The following SERTAD2 variants were observed in gnomAD, a reference collection of about 807,000 sequenced individuals.
The protein encoded by SERTAD2 is SERTA domain containing 2.
Under a neutral mutation model 15.4 loss-of-function variants are expected in SERTAD2, and 2 were observed. The observed-to-expected ratio is 0.13, with a 90% CI of 0.05 to 0.41. SERTAD2 has a LOEUF of 0.41. Among genes scored for constraint, SERTAD2 ranks in the 10% least tolerant of loss-of-function variants. The probability of loss-of-function intolerance (pLI) is 0.99; values close to 1 mark genes in which losing one functional copy is unlikely to be tolerated. For synonymous variants in SERTAD2, 180 were observed against 178.0 expected (o/e 1.01, Z -0.09); for missense variants, 333 against 409.7 (o/e 0.81, Z 1.62).
intron 1 of SERTAD2, among the ~76,000 whole-genome samples, chr2:64,640,787 T>G (rs908166122): frequency 2.6e-5 from 4 of 152,110 alleles, no homozygotes; most frequent in Non-Finnish European, 5.9e-5. Context: ...CTACCCAATT[T>G]TTCTAAAGAC....
At position 64,634,966 on chromosome 2, in the gene SERTAD2, A is replaced by T. The variant is rs78841982; in HGVS notation, c.*961T>A. ...CCATCACTTAAACCCCCAGCTCCAC[A>T]GCCATCTCCCGCCAACTGCTTAATG... On this transcript the variant is annotated 3_prime_UTR_variant, in exon 2 of 2. Transcript: ENST00000313349. 6.5e-6 allele frequency: 1 copy of T among 152,684 alleles called. No homozygotes were observed. The highest frequency in any genetic ancestry group is 1.5e-5 in the Non-Finnish European group (1 of 68,056). 9.5% of individuals were successfully genotyped at this position (152,684 alleles called of 1,614,324 possible).
chr2:64,636,901 G>A (rs898678684), intron 1 of SERTAD2, 26 bp from the exon 2 acceptor site: 2 of 1,488,342 alleles, frequency 1.3e-6, no homozygotes, highest in Non-Finnish European at 9.2e-7. Flanking sequence ...AGAGGAAATG[G>A]CATTAATCAC....
intron 1 of SERTAD2, among the ~76,000 whole-genome samples, chr2:64,638,089 G>A (rs1674697856): frequency 1.3e-5 from 2 of 152,182 alleles, no homozygotes. Flanking sequence ...GCCCATGCTT[G>A]CTCCCTCACC....
At chr2:64,646,152 A>C (rs111795489) in intron 1 of SERTAD2, among the ~76,000 whole-genome samples, 1 of 1,374 alleles carries the variant, frequency 7.3e-4, no homozygotes, top group Non-Finnish European at 1.4e-3. Flanking sequence ...AACAAACAAA[A>C]AAAAACCCAA....
chr2:64,653,359 C>T (rs1020096162), intron 1 of SERTAD2, among the ~76,000 whole-genome samples: 4 of 152,182 alleles, frequency 2.6e-5, no homozygotes, highest in Admixed American at 2.0e-4. Context: ...TCCCGACCCC[C>T]TCCTGACCCC....
rs910009457 is a variant in SERTAD2 at position 64,636,463 on chromosome 2, C to T, written c.409G>A (p.Glu137Lys). 1.9e-6 allele frequency: 3 copies of T among 1,613,876 alleles called. No individual in the cohort carries two copies. The highest frequency in any genetic ancestry group is 1.3e-5 in the African/African-American group (1 of 74,900). The change falls in exon 2 of 2, where the codon GAG (glutamate) becomes AAG (lysine). Residue 137 changes from glutamate (E) to lysine (K), a missense_variant. Transcript: ENST00000313349. Reference sequence around the variant, plus strand: ...GTGCAAAACGTGTCATCGTCGTCCTCGAGCAGTGAGGCCGGGGTGAGGCAG... The same window carrying T: ...GTGCAAAACGTGTCATCGTCGTCCTTGAGCAGTGAGGCCGGGGTGAGGCAG... ...EACLTPASLL[E>K]DDDDTFCTSQ...
chr2:64,643,602 C>T (rs1674823622), intron 1 of SERTAD2, among the ~76,000 whole-genome samples: 1 of 152,246 alleles, frequency 6.6e-6, no homozygotes, highest in South Asian at 2.1e-4. Context: ...GGCAAGGTGG[C>T]TCACGCCTGT....
intron 1 of SERTAD2, among the ~76,000 whole-genome samples, chr2:64,648,056 T>C (rs1558656313): frequency 3.9e-5 from 6 of 152,256 alleles, no homozygotes; most frequent in Admixed American, 2.6e-4. Context: ...TTTTACTTAC[T>C]GTGTAAAACT....
chr2:64,641,936 GTCTGGGGAGGA>G (rs1389260756), intron 1 of SERTAD2, among the ~76,000 whole-genome samples: 2 of 152,218 alleles, frequency 1.3e-5, no homozygotes, highest in East Asian at 3.8e-4. Flanking sequence ...CTTTCAGCAT[GTCTGGGGAGGA>G]GCCCTCAAAT....
chr2:64,650,674 A>T (rs1319058678), intron 1 of SERTAD2, among the ~76,000 whole-genome samples: 1 of 152,242 alleles, frequency 6.6e-6, no homozygotes, highest in Non-Finnish European at 1.5e-5. Flanking sequence ...AAATAGCCAC[A>T]CATTTCTTAA....
chr2:64,638,939 GT>G lies in SERTAD2; in HGVS notation c.-4-2065del, dbSNP rs143831126. ...GTGGTTTCATCTCATATTGCAAAAC[GT>G]TTTCTACTTCATGCATGAGAGGTAC... On this transcript the variant is annotated intron_variant, in intron 1 of 1. Transcript: ENST00000313349. Among the ~76,000 whole-genome samples, 769 of 152,240 alleles carry G rather than the reference GT, an allele frequency of 5.1e-3. 17 individuals carry two copies. Among genetic ancestry groups the G allele is most frequent in the East Asian group, 0.045 (231 of 5,186 alleles).
At position 64,635,521 on chromosome 2, in the gene SERTAD2, T is replaced by G. The variant is rs1363370187; in HGVS notation, c.*406A>C. 1 of 158,442 alleles carries G rather than the reference T, an allele frequency of 6.3e-6. No homozygotes were observed. Among genetic ancestry groups the G allele is most frequent in the African/African-American group, 2.4e-5 (1 of 41,462 alleles). 9.8% of individuals were successfully genotyped at this position (158,442 alleles called of 1,614,324 possible). On this transcript the variant is annotated 3_prime_UTR_variant, in exon 2 of 2. Transcript: ENST00000313349. The stretch of plus-strand genomic sequence containing the variant: ...AGAAAAGGTACTGAGATTATCTAAA[T>G]AAGATATATATATATAGTTTTCTTC...
intron 1 of SERTAD2, among the ~76,000 whole-genome samples, chr2:64,638,060 G>A (rs1279800360): frequency 1.3e-5 from 2 of 152,168 alleles, no homozygotes; most frequent in African/African-American, 2.4e-5. Flanking sequence ...GACCAGGATC[G>A]TGGTTCGAAT....
At chr2:64,641,115 C>G (rs1674766839) in intron 1 of SERTAD2, among the ~76,000 whole-genome samples, 2 of 152,150 alleles carry the variant, frequency 1.3e-5, no homozygotes, top group African/African-American at 2.4e-5. Flanking sequence ...CTGGAGTTTT[C>G]CAGGAAACTT....
chr2:64,637,745 A>T (rs1421069771), intron 1 of SERTAD2, among the ~76,000 whole-genome samples: 1 of 152,246 alleles, frequency 6.6e-6, no homozygotes, highest in Non-Finnish European at 1.5e-5. Context: ...CTCATATCTC[A>T]GACCCTGAGA....
intron 1 of SERTAD2, among the ~76,000 whole-genome samples, chr2:64,650,425 G>A (rs1423311123): frequency 2.0e-5 from 3 of 151,778 alleles, no homozygotes; most frequent in Non-Finnish European, 4.4e-5. Context: ...TTATTGGGCT[G>A]ACATATGCCA....
At position 64,640,008 on chromosome 2, in the gene SERTAD2, G is replaced by A. The variant is rs531873974; in HGVS notation, c.-4-3133C>T. Among the ~76,000 whole-genome samples, 10 of 152,094 alleles carry A rather than the reference G, an allele frequency of 6.6e-5. No homozygotes were observed. In the East Asian group the frequency reaches 1.5e-3, roughly 24 times the overall value. On this transcript the variant is annotated intron_variant, in intron 1 of 1. Coordinates refer to ENST00000313349, the MANE Select transcript of SERTAD2 (RefSeq NM_014755.3). Reference sequence around the variant, plus strand: ...GGATGCACCTCAGAGGTGTGAATACGGACCCCTGATGAAGTGTACCTCAAG... The same window carrying A: ...GGATGCACCTCAGAGGTGTGAATACAGACCCCTGATGAAGTGTACCTCAAG...
intron 1 of SERTAD2, among the ~76,000 whole-genome samples, chr2:64,643,400 C>T (rs545263319): frequency 2.6e-5 from 4 of 152,208 alleles, no homozygotes; most frequent in Admixed American, 6.5e-5. Flanking sequence ...CATGCTCTGC[C>T]GCTCACCTGG....
rs1674614745 is a variant in SERTAD2, at chr2:64,634,610, T to G, written c.*1317A>C. The G allele has an allele frequency of 6.6e-6, 1 of 152,232 alleles. No individual in the cohort carries two copies. Among genetic ancestry groups the G allele is most frequent in the Non-Finnish European group, 1.5e-5 (1 of 68,044 alleles). 9.4% of individuals were successfully genotyped at this position (152,232 alleles called of 1,614,324 possible). A position where few individuals can be genotyped will look rare whatever the true frequency, so the allele number is the denominator to read the frequency against. The stretch of plus-strand genomic sequence containing the variant: ...TGTGGTGATCACGAAGATGCCATTT[T>G]CAGCTCTTAGCAACACAGGGAAAGC... On this transcript the variant is annotated 3_prime_UTR_variant, in exon 2 of 2. Transcript: ENST00000313349.
Sources: allele counts gnomAD v4.1 joint callset (sites outside exome capture counted in the v4.1 genomes callset), GRCh38; gene constraint gnomAD v4.1.1; transcripts MANE v1.5; gene names NCBI Gene and HGNC (gene_info 2026-07-23, HGNC 2026-07-21).